The following ARHGAP24 variants were observed in gnomAD, a reference collection of about 807,000 sequenced individuals.
ARHGAP24 encodes the protein rho GTPase-activating protein 24.
A neutral mutation model predicts 76.4 loss-of-function variants in ARHGAP24; 50 were observed. The observed-to-expected ratio is 0.65, with a 90% confidence interval of 0.52 to 0.83. The LOEUF (loss-of-function observed/expected upper bound fraction) is 0.83, where lower values mean the gene tolerates loss of function less well. Among genes scored for constraint, ARHGAP24 ranks in the 40% least tolerant of loss-of-function variants. ARHGAP24 has a pLI of 0.00. For synonymous variants in ARHGAP24, 345 were observed against 323.3 expected (o/e 1.07, Z -0.72); for missense variants, 930 against 914.2 (o/e 1.02, Z -0.22).
intron 2 of ARHGAP24, among the ~76,000 whole-genome samples, chr4:85,593,820 T>C (rs1407641738): frequency 6.6e-6 from 1 of 152,182 alleles, no homozygotes; most frequent in East Asian, 1.9e-4. Context: ...ATATGTCTGC[T>C]TTTATGCCAG....
At chr4:85,955,933 C>G (rs1426775836) in intron 5 of ARHGAP24, among the ~76,000 whole-genome samples, 1 of 152,186 alleles carries the variant, frequency 6.6e-6, no homozygotes, top group Non-Finnish European at 1.5e-5. Context: ...AAGATACACC[C>G]CTCCCTCTTT....
chr4:85,489,151 T>C lies in ARHGAP24; in HGVS notation c.-21+13592T>C, dbSNP rs539703300. 8.5e-5 allele frequency among the ~76,000 whole-genome samples: 13 copies of C among 152,250 alleles called. No homozygotes were observed. In the South Asian group the frequency reaches 2.5e-3, roughly 29 times the overall value. Reference sequence around the variant, plus strand: ...CTTCATGTGCCTGAAAAACAACAAATAAGTCTGATGGCATTTAACACTTAA... The same window carrying C: ...CTTCATGTGCCTGAAAAACAACAAACAAGTCTGATGGCATTTAACACTTAA... On this transcript the variant is annotated intron_variant, in intron 1 of 9. Coordinates refer to ENST00000395184, the MANE Select transcript of ARHGAP24 (RefSeq NM_001025616.3).
At chr4:85,601,839 G>A (rs1720038427) in intron 2 of ARHGAP24, among the ~76,000 whole-genome samples, 1 of 152,084 alleles carries the variant, frequency 6.6e-6, no homozygotes, top group African/African-American at 2.4e-5. Context: ...TCGAGGGTTT[G>A]CAGGTCCTCC....
intron 3 of ARHGAP24, among the ~76,000 whole-genome samples, chr4:85,808,089 G>A (rs563848673): frequency 2.8e-4 from 42 of 152,144 alleles, no homozygotes; most frequent in African/African-American, 1.0e-3. Context: ...GTTGCTTCTT[G>A]TAATGAAAGA....
At chr4:85,990,341 A>G (rs761622683) in intron 8 of ARHGAP24, 18 of 151,818 alleles carry the variant, frequency 1.2e-4, no homozygotes, top group Non-Finnish European at 2.2e-4. Flanking sequence ...CAATATTATT[A>G]AGCTATTAAT....
At chr4:85,884,396 T>C (rs898195256) in intron 3 of ARHGAP24, among the ~76,000 whole-genome samples, 3 of 152,214 alleles carry the variant, frequency 2.0e-5, no homozygotes, top group Non-Finnish European at 4.4e-5. Flanking sequence ...CTTCTCATTG[T>C]CGAGCCCTTT....
At chr4:85,766,408 T>C (rs561544648) in intron 3 of ARHGAP24, among the ~76,000 whole-genome samples, 1 of 152,274 alleles carries the variant, frequency 6.6e-6, no homozygotes, top group African/African-American at 2.4e-5. Flanking sequence ...AAAATTGAAC[T>C]ATTCTTTTTA....
At chr4:85,973,520 T>A (rs1388937985) in intron 6 of ARHGAP24, among the ~76,000 whole-genome samples, 1 of 152,166 alleles carries the variant, frequency 6.6e-6, no homozygotes, top group East Asian at 1.9e-4. Flanking sequence ...AACACAAAAG[T>A]TGTACATTTT....
Position 86,000,456 on chromosome 4 carries a change from ACCCCCC to A in ARHGAP24, c.2004-20_2004-15del. On this transcript the variant is annotated splice_polypyrimidine_tract_variant and intron_variant, in intron 9 of 9. Coordinates refer to ENST00000395184, the MANE Select transcript of ARHGAP24 (RefSeq NM_001025616.3). ...TCTTACTCTTGCGTCCCCACCCCCC[ACCCCCC>A]CCAACATCCTTTGTAGCTTAGAACA... 5.4e-5 allele frequency: 26 copies of A among 483,928 alleles called. No homozygotes were observed. The highest frequency in any genetic ancestry group is 8.4e-5 in the Non-Finnish European group (26 of 310,604). 30.0% of individuals were successfully genotyped at this position (483,928 alleles called of 1,614,324 possible). A position where few individuals can be genotyped will look rare whatever the true frequency, so the allele number is the denominator to read the frequency against.
intron 3 of ARHGAP24, among the ~76,000 whole-genome samples, chr4:85,726,935 G>C (rs905082107): frequency 6.6e-6 from 1 of 152,152 alleles, no homozygotes; most frequent in Admixed American, 6.5e-5. Flanking sequence ...TTGGGAGGCC[G>C]AGGTAGGGGT....
intron 3 of ARHGAP24, among the ~76,000 whole-genome samples, chr4:85,917,455 A>G (rs1735479429): frequency 6.6e-6 from 1 of 151,804 alleles, no homozygotes. Context: ...GTCAAATGGT[A>G]TTTCTAGTTC....
intron 1 of ARHGAP24, among the ~76,000 whole-genome samples, chr4:85,537,849 G>A (rs1292298648): frequency 1.3e-5 from 2 of 152,146 alleles, no homozygotes; most frequent in Non-Finnish European, 2.9e-5. Context: ...CCCAGATATG[G>A]TGCGTACAAG....
At chr4:85,555,004 C>A (rs1416665082) in intron 1 of ARHGAP24, among the ~76,000 whole-genome samples, 1 of 152,156 alleles carries the variant, frequency 6.6e-6, no homozygotes, top group African/African-American at 2.4e-5. Flanking sequence ...GTGGCTATTT[C>A]ATCTAACTGC....
intron 3 of ARHGAP24, among the ~76,000 whole-genome samples, chr4:85,748,264 A>G (rs903657679): frequency 1.4e-4 from 21 of 152,250 alleles, no homozygotes; most frequent in African/African-American, 4.1e-4. Context: ...TTCTCCGAGC[A>G]TATGGTATTA....
At chr4:85,717,057 T>C (rs149316035) in intron 2 of ARHGAP24, among the ~76,000 whole-genome samples, 127 of 152,122 alleles carry the variant, frequency 8.3e-4, no homozygotes, top group African/African-American at 2.9e-3. Context: ...GTGGAGAGAA[T>C]ATCTGGGGGA....
intron 3 of ARHGAP24, among the ~76,000 whole-genome samples, chr4:85,859,709 TA>T (rs930752817): frequency 6.6e-6 from 1 of 152,142 alleles, no homozygotes; most frequent in African/African-American, 2.4e-5. Context: ...CTATTTTTAC[TA>T]ATTTATTCTT....
At chr4:85,931,529 C>G (rs1736332916) in intron 4 of ARHGAP24, among the ~76,000 whole-genome samples, 1 of 152,170 alleles carries the variant, frequency 6.6e-6, no homozygotes. Flanking sequence ...GACCCATTTT[C>G]AAGAGGCTTT....
intron 1 of ARHGAP24, among the ~76,000 whole-genome samples, chr4:85,523,994 A>G (rs1224466724): frequency 6.6e-6 from 1 of 152,152 alleles, no homozygotes; most frequent in Non-Finnish European, 1.5e-5. Flanking sequence ...GGTCATTTTC[A>G]TATAGAGGTG....
At chr4:85,552,154 C>G (rs540744816) in intron 1 of ARHGAP24, among the ~76,000 whole-genome samples, 1 of 152,216 alleles carries the variant, frequency 6.6e-6, no homozygotes, top group South Asian at 2.1e-4. Context: ...TCCATGTGGG[C>G]ATTTAGCACT....
Sources: gnomAD v4.1 joint callset for allele counts (sites outside exome capture counted in the v4.1 genomes callset) on GRCh38, gnomAD v4.1.1 for gene constraint, MANE v1.5 for transcripts, NCBI Gene and HGNC (gene_info 2026-07-23, HGNC 2026-07-21) for gene names.